The following TBXT variants were observed in gnomAD, a reference collection of about 807,000 sequenced individuals.
TBXT encodes T-box transcription factor T, also known as T brachyury transcription factor.
In TBXT, 19 loss-of-function variants were observed where a neutral mutation model predicts 41.1. The observed-to-expected ratio is 0.46, with a 90% CI of 0.32 to 0.68. The LOEUF (loss-of-function observed/expected upper bound fraction) is 0.68, where lower values mean the gene tolerates loss of function less well. Among genes scored for constraint, TBXT ranks in the 30% least tolerant of loss-of-function variants. The pLI, the probability that TBXT is intolerant of heterozygous loss-of-function variation, is 0.03. For synonymous variants in TBXT, 213 were observed against 238.9 expected (o/e 0.89, Z 1.00); for missense variants, 536 against 582.0 (o/e 0.92, Z 0.81).
intron 7 of TBXT, among the ~76,000 whole-genome samples, chr6:166,159,335 C>A (rs776357967): frequency 6.6e-6 from 1 of 151,850 alleles, no homozygotes; most frequent in Admixed American, 6.6e-5. Context: ...GTGATTCTCA[C>A]GATGAAGACC....
intron 1 of TBXT, 37 bp from the exon 2 acceptor site, chr6:166,166,893 A>G: frequency 6.2e-7 from 1 of 1,612,596 alleles, no homozygotes. Context: ...GGACCCCGAC[A>G]CTGACCAGGT....
Position 166,166,676 on chromosome 6 carries a change from C to T in TBXT, c.387G>A (p.Ser129=). ...APSCVYIHPD[S]PNFGAHWMKA... is the part of the protein sequence containing the mutation. Reference sequence around the variant, plus strand: ...TCATCCAGTGGGCCCCGAAGTTGGGCGAGTCGGGGTGGATGTAGACGCAGC... The same window carrying T: ...TCATCCAGTGGGCCCCGAAGTTGGGTGAGTCGGGGTGGATGTAGACGCAGC... The change falls in exon 2 of 8, where the codon TCG becomes TCA. Residue 129 remains serine, a synonymous_variant. Transcript: ENST00000366876. 1 of 1,614,062 alleles carries T rather than the reference C, an allele frequency of 6.2e-7. No homozygotes were observed. The highest frequency in any genetic ancestry group is 2.2e-5 in the East Asian group (1 of 44,892).
chr6:166,167,784 CG>C lies in TBXT; in HGVS notation c.-194del, dbSNP rs1582972393. 1.5e-6 allele frequency: 1 copy of C among 660,302 alleles called. No homozygotes were observed. Among genetic ancestry groups the C allele is most frequent in the Non-Finnish European group, 2.6e-6 (1 of 385,274 alleles). The allele number at this position is 660,302 out of a possible 1,614,324, so 40.9% of individuals were successfully genotyped here. On this transcript the variant is annotated 5_prime_UTR_variant, in exon 1 of 8. Coordinates refer to ENST00000366876, the MANE Select transcript of TBXT (RefSeq NM_001366285.2). ...CGGACCAAGACTTGGGGGGAGGGGACGGGGGCAGAGGGGTGGGGAGAAGTTA... is the reference window on the plus strand; with the variant it reads ...CGGACCAAGACTTGGGGGGAGGGGACGGGGCAGAGGGGTGGGGAGAAGTTA...
chr6:166,166,872 C>T lies in TBXT; in HGVS notation c.207-16G>A, dbSNP rs771511830. On this transcript the variant is annotated splice_polypyrimidine_tract_variant and intron_variant, in intron 1 of 7. Coordinates refer to ENST00000366876, the MANE Select transcript of TBXT (RefSeq NM_001366285.2). ...AAACATCCTCCTGGAAAACACGGGG[C>T]GGGCGCAGGAGGACCCCGACACTGA... 1.1e-5 allele frequency: 18 copies of T among 1,613,176 alleles called. No homozygotes were observed. The highest frequency in any genetic ancestry group is 1.6e-4 in the Middle Eastern group (1 of 6,084).
intron 1 of TBXT, 94 bp from the exon 2 acceptor site, chr6:166,166,950 C>A: frequency 6.3e-7 from 1 of 1,593,904 alleles, no homozygotes; most frequent in South Asian, 1.1e-5. Flanking sequence ...TATTTCGGGG[C>A]ACAGAGGAGC....
In TBXT at chr6:166,167,834, C is replaced by G. The variant is rs1582972459; in HGVS notation, c.-243G>C. 3.4e-6 allele frequency: 2 copies of G among 590,936 alleles called. No homozygotes were observed. The highest frequency in any genetic ancestry group is 2.0e-5 in the South Asian group (1 of 50,426). The allele number at this position is 590,936 out of a possible 1,614,324, so 36.6% of individuals were successfully genotyped here. A position where few individuals can be genotyped will look rare whatever the true frequency, so the allele number is the denominator to read the frequency against. ...TATTCCACTTGAACTCCCCAAGGCT[C>G]TACTAGTGTAGGTCTCTGGGGACCG... On this transcript the variant is annotated 5_prime_UTR_variant, in exon 1 of 8. Coordinates refer to ENST00000366876, the MANE Select transcript of TBXT (RefSeq NM_001366285.2).
rs370877435 is a variant in TBXT, at chr6:166,164,677, GAA to G, written c.669-13_669-12del. ...TCTTTGTGATCACTTCTATCAAAAT[GAA>G]AAAAAAAAAGTATATCGAATTTTCA... is the stretch of plus-strand genomic sequence containing the variant. On this transcript the variant is annotated splice_polypyrimidine_tract_variant and intron_variant, in intron 4 of 7. Coordinates refer to ENST00000366876, the MANE Select transcript of TBXT (RefSeq NM_001366285.2). 1.1e-5 allele frequency: 14 copies of G among 1,314,696 alleles called. No individual in the cohort carries two copies. The highest frequency in any genetic ancestry group is 1.4e-5 in the South Asian group (1 of 73,020). The allele number at this position is 1,314,696 out of a possible 1,614,324, so 81.4% of individuals were successfully genotyped here. A position where few individuals can be genotyped will look rare whatever the true frequency, so the allele number is the denominator to read the frequency against.
Position 166,166,641 on chromosome 6 carries a change from A to T in TBXT, c.422T>A (p.Val141Asp). The change falls in exon 2 of 8, where the codon GTC (valine) becomes GAC (aspartate). Residue 141 changes from valine (V) to aspartate (D), a missense_variant. By Grantham distance (152) the Val-to-Asp change is radical. Coordinates refer to ENST00000366876, the MANE Select transcript of TBXT (RefSeq NM_001366285.2). ...GGTGAGCTTGACTTTGCTGAAGGAG[A>T]CGGGAGCCTTCATCCAGTGGGCCCC... ...NFGAHWMKAPVSFSKVKLTNK... is the reference protein window; with the variant it reads ...NFGAHWMKAPDSFSKVKLTNK... 1.2e-6 allele frequency: 2 copies of T among 1,613,898 alleles called. No individual in the cohort carries two copies. Among genetic ancestry groups the T allele is most frequent in the Non-Finnish European group, 1.7e-6 (2 of 1,179,974 alleles).
chr6:166,167,991 GC>G (rs921221667), upstream of TBXT: 1 of 281,844 alleles, frequency 3.5e-6, no homozygotes, highest in Non-Finnish European at 6.9e-6. Context: ...ACCCAGCCGG[GC>G]GGGTCTGGGA....
rs61597882 is a variant in TBXT at position 166,160,974 on chromosome 6, G to A, written c.908-8C>T. ...GTGAGTTGTCAGAATAGGCTAAGGG[G>A]GGAAGGTAACAAAGTGCAATTATAG... On this transcript the variant is annotated splice_region_variant and splice_polypyrimidine_tract_variant and intron_variant, in intron 6 of 7. Coordinates refer to ENST00000366876, the MANE Select transcript of TBXT (RefSeq NM_001366285.2). 5.6e-3 allele frequency: 9,067 copies of A among 1,613,648 alleles called. 429 individuals are homozygous for A. The African/African-American group carries it at 0.11, about 19-fold the overall frequency.
chr6:166,164,484 G>A (rs889019732), intron 5 of TBXT, 121 bp downstream of exon 5: 2 of 1,195,408 alleles, frequency 1.7e-6, no homozygotes, highest in Non-Finnish European at 2.5e-6. Flanking sequence ...TGGCAAAAAG[G>A]CAATCTTACA....
In TBXT at chr6:166,159,200, C is replaced by A. The variant is rs114153948; in HGVS notation, c.1038-612G>T. On this transcript the variant is annotated intron_variant, in intron 7 of 7. Transcript: ENST00000366876. ...AAACACACAAAACAGAAAAGAAAGA[C>A]TCAGACCAGTAGTTTTGCACTCTCA... Among the ~76,000 whole-genome samples, 844 of 152,306 alleles carry A rather than the reference C, an allele frequency of 5.5e-3. 8 individuals carry two copies. Among genetic ancestry groups the A allele is most frequent in the African/African-American group, 0.019 (792 of 41,558 alleles).
Position 166,164,854 on chromosome 6 carries a change from G to A in TBXT, c.614C>T (p.Ala205Val). ...VTAYQNEEIT[A>V]LKIKYNPFAK... ...AAATGGATTGTACTTAATTTTAAGA[G>A]CTGTGATCTGAAAAACAAGAAATTG... Residue 205 changes from alanine to valine, a missense_variant, in exon 4 of 8, where the codon GCT (alanine) becomes GTT (valine). Coordinates refer to ENST00000366876, the MANE Select transcript of TBXT (RefSeq NM_001366285.2). The A allele has an allele frequency of 5.0e-6, 8 of 1,612,028 alleles. No individual in the cohort carries two copies. Among genetic ancestry groups the A allele is most frequent in the Non-Finnish European group, 5.9e-6 (7 of 1,179,678 alleles).
At chr6:166,167,018 G>A (rs1390256751) in intron 1 of TBXT, among the ~76,000 whole-genome samples, 162 bp from the exon 2 acceptor site, 1 of 152,238 alleles carries the variant, frequency 6.6e-6, no homozygotes. Context: ...GCCCTGCCAG[G>A]TCCAGGTGGC....
At chr6:166,161,141 T>C (rs1778944827) in intron 6 of TBXT, among the ~76,000 whole-genome samples, 175 bp from the exon 7 acceptor site, 1 of 152,218 alleles carries the variant, frequency 6.6e-6, no homozygotes, top group African/African-American at 2.4e-5. Context: ...AGGGGCAAGA[T>C]TTATTGCCAA....
intron 7 of TBXT, among the ~76,000 whole-genome samples, chr6:166,159,604 A>G (rs1778892181): frequency 6.6e-6 from 1 of 152,228 alleles, no homozygotes; most frequent in African/African-American, 2.4e-5. Flanking sequence ...TGACTATTGA[A>G]TTCTCCAGTC....
chr6:166,165,982 G>C, intron 2 of TBXT, 142 bp from the exon 3 acceptor site: 1 of 1,292,758 alleles, frequency 7.7e-7, no homozygotes, highest in Non-Finnish European at 1.1e-6. Flanking sequence ...TCCACCAGGG[G>C]AGGCTTCTCC....
In TBXT at chr6:166,160,910, A is replaced by C. The variant is rs777285628; in HGVS notation, c.964T>G (p.Ser322Ala). Residue 322 changes from serine to alanine, a missense_variant, in exon 7 of 8, where the codon TCC becomes GCC. Transcript: ENST00000366876. ...LSMLQSHDNW[S>A]SLGMPAHPSM... ...GGATGGGCAGGCATTCCAAGGCTGG[A>C]CCAATTGTCATGGGATTGCAGCATG... 2.5e-6 allele frequency: 4 copies of C among 1,614,152 alleles called. No homozygotes were observed. Among genetic ancestry groups the C allele is most frequent in the Non-Finnish European group, 3.4e-6 (4 of 1,180,026 alleles).
At chr6:166,163,293 G>A (rs890144981) in intron 5 of TBXT, among the ~76,000 whole-genome samples, 21 of 151,982 alleles carry the variant, frequency 1.4e-4, no homozygotes, top group African/African-American at 5.1e-4. Flanking sequence ...TCACTCTCCT[G>A]GTTTAAGCTC....
Sources: gnomAD v4.1 joint callset for allele counts (sites outside exome capture counted in the v4.1 genomes callset) on GRCh38, gnomAD v4.1.1 for gene constraint, MANE v1.5 for transcripts, NCBI Gene and HGNC (gene_info 2026-07-23, HGNC 2026-07-21) for gene names.